Variants in LRBA observed in about 807,000 individuals in gnomAD.
LRBA encodes the protein lipopolysaccharide-responsive and beige-like anchor protein.
LRBA carries 176 observed loss-of-function variants against 330.0 expected under a neutral mutation model. The observed-to-expected ratio is 0.53, with a 90% CI of 0.47 to 0.60. The LOEUF is 0.60. LRBA is among the 20% of genes least tolerant of loss of function. The pLI is 0.00. For missense variants in LRBA, 3,259 were observed against 3,444.8 expected (o/e 0.95, Z 1.35); for synonymous variants, 1,230 against 1,193.0 (o/e 1.03, Z -0.64).
rs145452262 is a variant in LRBA at position 150,831,981 on chromosome 4, GA to G, written c.4570-6del. 17,667 of 1,462,342 alleles carry G rather than the reference GA, an allele frequency of 0.012. 1,520 individuals are homozygous for G. The African/African-American group carries it at 0.2, about 17-fold the overall frequency. The allele number at this position is 1,462,342 out of a possible 1,614,324, so 90.6% of individuals were successfully genotyped here. On this transcript the variant is annotated splice_region_variant and splice_polypyrimidine_tract_variant and intron_variant, in intron 28 of 56. Transcript: ENST00000651943. Reference sequence around the variant, plus strand: ...TTGAGCTTGTTTGCTATCCTCCTGGGAAAAAAAATTAAAGGAGTTGATTATG... The same window carrying G: ...TTGAGCTTGTTTGCTATCCTCCTGGGAAAAAAATTAAAGGAGTTGATTATG...
intron 40 of LRBA, among the ~76,000 whole-genome samples, chr4:150,508,665 C>A (rs1010066642): frequency 5.3e-5 from 8 of 152,160 alleles, no homozygotes; most frequent in Non-Finnish European, 1.0e-4. Context: ...CATCAAGAGG[C>A]TTTATTTAAC....
rs567907432 is a variant in LRBA, at chr4:150,555,417, T to C, written c.6330+32631A>G. Reference sequence around the variant, plus strand: ...TCTATATTCATAAACGACACTACTATGCTAGCTCATCAAGTATAAAGAATT... The same window carrying C: ...TCTATATTCATAAACGACACTACTACGCTAGCTCATCAAGTATAAAGAATT... On this transcript the variant is annotated intron_variant, in intron 40 of 56. Coordinates refer to ENST00000651943, the MANE Select transcript of LRBA (RefSeq NM_001364905.1). Among the ~76,000 whole-genome samples the C allele has an allele frequency of 3.3e-5, 5 of 152,280 alleles. No homozygotes were observed. In the South Asian group the frequency reaches 1.0e-3, roughly 32 times the overall value.
intron 38 of LRBA, among the ~76,000 whole-genome samples, chr4:150,597,814 T>C (rs1773678971): frequency 6.6e-6 from 1 of 152,144 alleles, no homozygotes; most frequent in South Asian, 2.1e-4. Flanking sequence ...TAATTCTACA[T>C]TTTATTTCTC....
At chr4:150,364,794 G>C (rs939270453) in intron 47 of LRBA, among the ~76,000 whole-genome samples, 3 of 152,004 alleles carry the variant, frequency 2.0e-5, no homozygotes, top group African/African-American at 4.8e-5. Context: ...AGAAGGTATA[G>C]ATTATACCTG....
chr4:150,864,463 T>A (rs1367522707), intron 22 of LRBA, among the ~76,000 whole-genome samples: 1 of 152,122 alleles, frequency 6.6e-6, no homozygotes, highest in Admixed American at 6.5e-5. Context: ...CATATTTTTG[T>A]CAATCTCTTT....
chr4:150,501,837 A>C (rs1227663599), intron 40 of LRBA, among the ~76,000 whole-genome samples: 1 of 152,252 alleles, frequency 6.6e-6, no homozygotes, highest in East Asian at 1.9e-4. Context: ...AGTTGTTTTC[A>C]AAATATTAAA....
intron 40 of LRBA, among the ~76,000 whole-genome samples, chr4:150,506,701 C>G (rs892750343): frequency 6.6e-6 from 1 of 152,180 alleles, no homozygotes; most frequent in Non-Finnish European, 1.5e-5. Context: ...CACTCTTATT[C>G]AACATAGTGT....
intron 40 of LRBA, chr4:150,579,719 A>G (rs1459099189): frequency 2.2e-6 from 1 of 456,322 alleles, no homozygotes; most frequent in East Asian, 7.0e-5. Context: ...TCGGCCTGGG[A>G]CGCCCCACCC....
chr4:150,782,826 G>A (rs1256909626), intron 34 of LRBA, among the ~76,000 whole-genome samples: 1 of 152,066 alleles, frequency 6.6e-6, no homozygotes, highest in African/African-American at 2.4e-5. Context: ...AGAGCAAGCA[G>A]ACGAAAAGTG....
Position 150,433,421 on chromosome 4 carries a change from A to T in LRBA, c.7041+2168T>A, listed in dbSNP as rs976402740. Among the ~76,000 whole-genome samples, 6 of 152,304 alleles carry T rather than the reference A, an allele frequency of 3.9e-5. No individual in the cohort carries two copies. The South Asian group carries it at 1.2e-3, about 32-fold the overall frequency. On this transcript the variant is annotated intron_variant, in intron 46 of 56. Transcript: ENST00000651943. ...ATCATATGTACCTCCTGCCCATCAA[A>T]GCAATGAACAGGAATGTCTAGTACA...
At chr4:150,738,272 T>C (rs1731485141) in intron 35 of LRBA, among the ~76,000 whole-genome samples, 1 of 152,082 alleles carries the variant, frequency 6.6e-6, no homozygotes, top group Non-Finnish European at 1.5e-5. Flanking sequence ...ATTTCAGGTG[T>C]GAGACACAGC....
chr4:150,951,109 T>C (rs1312629047), intron 2 of LRBA, among the ~76,000 whole-genome samples: 1 of 152,200 alleles, frequency 6.6e-6, no homozygotes, highest in Non-Finnish European at 1.5e-5. Context: ...AATTCCCTGT[T>C]TCCAGGGTTT....
chr4:150,450,988 C>T (rs1050130431), intron 44 of LRBA, among the ~76,000 whole-genome samples: 16 of 152,168 alleles, frequency 1.1e-4, no homozygotes, highest in African/African-American at 3.9e-4. Context: ...CAAGATGGCA[C>T]CATTGCATTC....
Position 150,296,305 on chromosome 4 carries a change from G to GT in LRBA, c.8017+6319dup, listed in dbSNP as rs1580932173. On this transcript the variant is annotated intron_variant, in intron 53 of 56. Transcript: ENST00000651943. ...TAAGGCAGTCTCTCAGTTGTGCAAA[G>GT]TTACAAGCTACAAGAATGAAAGCTT... Among the ~76,000 whole-genome samples, 7 of 152,214 alleles carry GT rather than the reference G, an allele frequency of 4.6e-5. 2 individuals are homozygous for GT. The highest frequency in any genetic ancestry group is 6.5e-5 in the Admixed American group (1 of 15,280).
chr4:150,318,339 T>G (rs983913049), intron 50 of LRBA, among the ~76,000 whole-genome samples: 3 of 152,172 alleles, frequency 2.0e-5, no homozygotes, highest in Admixed American at 2.0e-4. Flanking sequence ...GGTTAAAGAT[T>G]ATTTATTTTC....
At chr4:150,726,979 C>CAAA (rs35524884) in intron 36 of LRBA, among the ~76,000 whole-genome samples, 1 of 107,198 alleles carries the variant, frequency 9.3e-6, no homozygotes, top group Non-Finnish European at 1.8e-5. Flanking sequence ...ATCTCACGGA[C>CAAA]AAAAAAAAAA....
chr4:150,854,226 G>A (rs932159346), intron 22 of LRBA, among the ~76,000 whole-genome samples: 1 of 152,054 alleles, frequency 6.6e-6, no homozygotes, highest in Non-Finnish European at 1.5e-5. Flanking sequence ...TTTCCTAATT[G>A]TAACTATTTC....
chr4:150,282,716 C>G, intron 54 of LRBA, 70 bp from the exon 55 acceptor site: 2 of 1,106,524 alleles, frequency 1.8e-6, no homozygotes, highest in Non-Finnish European at 2.6e-6. Flanking sequence ...GAATCTTGAG[C>G]ACAGATCAAA....
At chr4:150,355,473 T>A (rs188783345) in intron 47 of LRBA, among the ~76,000 whole-genome samples, 231 of 152,208 alleles carry the variant, frequency 1.5e-3, no homozygotes, top group African/African-American at 5.4e-3. Context: ...ATCTATGGGA[T>A]AAATGATTTT....
Sources: allele counts gnomAD v4.1 joint callset (sites outside exome capture counted in the v4.1 genomes callset), GRCh38; gene constraint gnomAD v4.1.1; transcripts MANE v1.5; gene names NCBI Gene and HGNC (gene_info 2026-07-23, HGNC 2026-07-21).